CDC73: variants seen among roughly 807,000 people sequenced by gnomAD.
The protein encoded by CDC73 is parafibromin.
CDC73 carries 21 observed loss-of-function variants against 83.7 expected under a neutral mutation model. The observed-to-expected ratio is 0.25, with a 90% CI of 0.18 to 0.36. CDC73 has a LOEUF of 0.36. CDC73 is among the 10% of genes least tolerant of loss of function. CDC73 has a pLI of 1.00. For missense variants in CDC73, 342 were observed against 653.3 expected (o/e 0.52, Z 5.19); for synonymous variants, 224 against 212.9 (o/e 1.05, Z -0.45).
intron 15 of CDC73, among the ~76,000 whole-genome samples, chr1:193,245,677 G>C (rs937506489): frequency 3.3e-5 from 5 of 152,060 alleles, no homozygotes; most frequent in African/African-American, 1.2e-4. Context: ...GGATCATATG[G>C]TAGTTCTCTT....
At chr1:193,210,415 A>C (rs1459736801) in intron 11 of CDC73, among the ~76,000 whole-genome samples, 1 of 152,220 alleles carries the variant, frequency 6.6e-6, no homozygotes, top group African/African-American at 2.4e-5. Context: ...TATTTTTGTC[A>C]TTTAAAAAAC....
At chr1:193,224,472 TTATGCATTCACATATACACATATATGAAA>T (rs1558316778) in intron 13 of CDC73, among the ~76,000 whole-genome samples, 29 of 147,242 alleles carry the variant, frequency 2.0e-4, no homozygotes, top group South Asian at 4.4e-4. Context: ...CATACGAAAT[TTATGCATTCACATATACACATATATGAAA>T]TATGCATTCA....
intron 13 of CDC73, among the ~76,000 whole-genome samples, chr1:193,219,781 T>C (rs934768191): frequency 2.0e-5 from 3 of 152,192 alleles, no homozygotes; most frequent in African/African-American, 7.2e-5. Flanking sequence ...TGTTGTGTAC[T>C]GTGCATATTA....
chr1:193,242,118 G>A (rs1677872747), intron 15 of CDC73, among the ~76,000 whole-genome samples: 1 of 152,190 alleles, frequency 6.6e-6, no homozygotes, highest in African/African-American at 2.4e-5. Context: ...TTGGGGGGCT[G>A]TCTTCAGGTG....
intron 10 of CDC73, chr1:193,185,875 A>G (rs1676797700): frequency 6.6e-6 from 1 of 152,184 alleles, no homozygotes; most frequent in South Asian, 2.1e-4. Context: ...AACAATGACA[A>G]ATTTTAAAAT....
chr1:193,184,621 G>A (rs1450796334), intron 10 of CDC73, among the ~76,000 whole-genome samples: 3 of 151,398 alleles, frequency 2.0e-5, no homozygotes, highest in African/African-American at 7.3e-5. Flanking sequence ...TGTTGGTGAT[G>A]GTTTAATAGA....
chr1:193,144,426 T>G (rs1186408752), intron 7 of CDC73, among the ~76,000 whole-genome samples: 1 of 151,966 alleles, frequency 6.6e-6, no homozygotes, highest in Admixed American at 6.6e-5. Context: ...GTAGTGAGAT[T>G]TGCTTTTCAT....
At chr1:193,205,746 C>G (rs1034940387) in intron 11 of CDC73, among the ~76,000 whole-genome samples, 2 of 152,034 alleles carry the variant, frequency 1.3e-5, no homozygotes, top group African/African-American at 4.8e-5. Context: ...ATTTGAATTT[C>G]TATATAATAG....
chr1:193,141,094 A>G (rs1675898323), intron 6 of CDC73: 4 of 152,246 alleles, frequency 2.6e-5, no homozygotes, highest in Admixed American at 2.0e-4. Flanking sequence ...ACATATTTCA[A>G]GATTTTCATC....
intron 14 of CDC73, among the ~76,000 whole-genome samples, chr1:193,235,902 A>G (rs1475154871): frequency 6.6e-6 from 1 of 152,240 alleles, no homozygotes; most frequent in African/African-American, 2.4e-5. Flanking sequence ...ATTAATAGTT[A>G]TCAACCACTA....
At chr1:193,184,115 G>A (rs1413347591) in intron 10 of CDC73, among the ~76,000 whole-genome samples, 1 of 151,826 alleles carries the variant, frequency 6.6e-6, no homozygotes, top group Admixed American at 6.6e-5. Flanking sequence ...GTATGTGATA[G>A]AGATGCATCT....
intron 13 of CDC73, among the ~76,000 whole-genome samples, chr1:193,230,120 A>G (rs1458119458): frequency 2.0e-5 from 3 of 151,486 alleles, no homozygotes; most frequent in Non-Finnish European, 2.9e-5. Context: ...ATTCTTCCGC[A>G]TTAGAGGAAT....
chr1:193,217,597 T>C (rs1445942443), intron 13 of CDC73, among the ~76,000 whole-genome samples: 1 of 151,974 alleles, frequency 6.6e-6, no homozygotes, highest in Non-Finnish European at 1.5e-5. Context: ...GTTCCTCACA[T>C]CCAGCTGCTT....
intron 13 of CDC73, among the ~76,000 whole-genome samples, chr1:193,220,562 T>C (rs1202326960): frequency 1.3e-5 from 2 of 152,204 alleles, no homozygotes; most frequent in African/African-American, 4.8e-5. Context: ...TTTCACTAAA[T>C]GTAGAATTGA....
chr1:193,196,069 A>G (rs796985683), intron 10 of CDC73, among the ~76,000 whole-genome samples: 7 of 152,294 alleles, frequency 4.6e-5, no homozygotes, highest in African/African-American at 1.7e-4. Context: ...TCAGTGCTAA[A>G]TTCAGTTTCA....
chr1:193,181,032 T>G, intron 10 of CDC73: 1 of 1,613,854 alleles, frequency 6.2e-7, no homozygotes, highest in Non-Finnish European at 8.5e-7. Flanking sequence ...GTGCTAGACT[T>G]TCATTGCCCC....
intron 10 of CDC73, among the ~76,000 whole-genome samples, chr1:193,175,037 A>G (rs1288160056): frequency 6.6e-6 from 1 of 152,148 alleles, no homozygotes; most frequent in Non-Finnish European, 1.5e-5. Flanking sequence ...TTACAGTGAG[A>G]TAGAAGGTAT....
chr1:193,217,432 G>C (rs1362548185), intron 13 of CDC73, among the ~76,000 whole-genome samples: 1 of 152,034 alleles, frequency 6.6e-6, no homozygotes, highest in Non-Finnish European at 1.5e-5. Context: ...TTATTGAGTA[G>C]AAGTAGGGGA....
At chr1:193,155,735 C>T (rs1016246235) in intron 10 of CDC73, among the ~76,000 whole-genome samples, 1 of 152,112 alleles carries the variant, frequency 6.6e-6, no homozygotes, top group Admixed American at 6.5e-5. Flanking sequence ...CAGGATTATG[C>T]CACTGCACTC....
Sources: allele counts gnomAD v4.1 joint callset (sites outside exome capture counted in the v4.1 genomes callset), GRCh38; gene constraint gnomAD v4.1.1; transcripts MANE v1.5; gene names NCBI Gene and HGNC (gene_info 2026-07-23, HGNC 2026-07-21).